Variants in PCSK2 observed in about 807,000 individuals in gnomAD.
PCSK2 encodes proprotein convertase subtilisin/kexin type 2.
In PCSK2, 14 loss-of-function variants were observed where a neutral mutation model predicts 69.7. That is an observed-to-expected ratio of 0.20 (90% CI 0.13 to 0.31). The LOEUF (loss-of-function observed/expected upper bound fraction) is 0.31. PCSK2 is among the 10% of genes least tolerant of loss of function. The pLI is 1.00. For missense variants in PCSK2, 544 were observed against 842.5 expected (o/e 0.65, Z 4.39); for synonymous variants, 307 against 320.7 (o/e 0.96, Z 0.46).
intron 2 of PCSK2, among the ~76,000 whole-genome samples, chr20:17,300,201 C>T (rs569296132): frequency 6.6e-6 from 1 of 152,234 alleles, no homozygotes; most frequent in Non-Finnish European, 1.5e-5. Flanking sequence ...GAGTTAGCCC[C>T]AGCAGTCTCC....
intron 2 of PCSK2, among the ~76,000 whole-genome samples, chr20:17,357,403 G>A (rs973141793): frequency 2.0e-5 from 3 of 152,104 alleles, no homozygotes; most frequent in Non-Finnish European, 4.4e-5. Context: ...TCTTGTCTTG[G>A]GGAAGTTTTC....
chr20:17,453,927 C>T lies in PCSK2; in HGVS notation c.1071C>T (p.Asn357=), dbSNP rs41276384. 48,940 of 1,614,192 alleles carry T rather than the reference C, an allele frequency of 0.03. 878 individuals carry two copies. Among genetic ancestry groups the T allele is most frequent in the Non-Finnish European group, 0.035 (41,049 of 1,180,030 alleles). ...CSSTLASTFS[N]GRKRNPEAGV... ...CCACCTTGGCTTCCACCTTCAGCAA[C>T]GGGAGGAAAAGGAACCCCGAGGCCG... is the stretch of plus-strand genomic sequence containing the variant. The change falls in exon 9 of 12, where the codon AAC becomes AAT. Residue 357 remains asparagine, a synonymous_variant. Coordinates refer to ENST00000262545, the MANE Select transcript of PCSK2 (RefSeq NM_002594.5). This position sits in a 1 kb window ranked among gnomAD's most constrained non-coding sequence, Gnocchi z 4.0.
intron 10 of PCSK2, among the ~76,000 whole-genome samples, chr20:17,460,630 A>C (rs964106772): frequency 3.9e-5 from 6 of 152,228 alleles, no homozygotes; most frequent in African/African-American, 1.4e-4. Context: ...ACTTCCTGGA[A>C]TATTTTAGCT....
intron 8 of PCSK2, among the ~76,000 whole-genome samples, chr20:17,445,250 G>A (rs1484775923): frequency 6.6e-6 from 1 of 152,188 alleles, no homozygotes; most frequent in East Asian, 1.9e-4. Context: ...ACGCTAGAAG[G>A]TCTTGAAAGT....
At chr20:17,277,781 C>A (rs1358089764) in intron 2 of PCSK2, among the ~76,000 whole-genome samples, 8 of 151,890 alleles carry the variant, frequency 5.3e-5, no homozygotes, top group Admixed American at 6.6e-5. Context: ...AGTGAACAGG[C>A]AACCTACAGA....
chr20:17,284,283 A>G (rs569561723), intron 2 of PCSK2, among the ~76,000 whole-genome samples: 51 of 152,342 alleles, frequency 3.3e-4, no homozygotes, highest in Non-Finnish European at 6.3e-4. Flanking sequence ...TTGGCCCCGT[A>G]TACATGAACT....
At chr20:17,322,728 C>T (rs545476943) in intron 2 of PCSK2, among the ~76,000 whole-genome samples, 1 of 152,324 alleles carries the variant, frequency 6.6e-6, no homozygotes, top group South Asian at 2.1e-4. Context: ...TGTGTCCTCA[C>T]ATGGTAGAAG....
rs1248074230 is a variant in PCSK2, at chr20:17,483,314, G to A, written c.*1244G>A. 1.3e-5 allele frequency: 2 copies of A among 152,150 alleles called. No homozygotes were observed. The highest frequency in any genetic ancestry group is 2.9e-5 in the Non-Finnish European group (2 of 68,020). 9.4% of individuals were successfully genotyped at this position (152,150 alleles called of 1,614,324 possible). The stretch of plus-strand genomic sequence containing the variant: ...GAAGGAGGTGAGAGAAGACCTCTGT[G>A]AGGAAAGCACACAGTCACCTTCTCG... On this transcript the variant is annotated 3_prime_UTR_variant, in exon 12 of 12. Transcript: ENST00000262545.
At chr20:17,437,532 G>C (rs1203284607) in intron 8 of PCSK2, among the ~76,000 whole-genome samples, 1 of 152,152 alleles carries the variant, frequency 6.6e-6, no homozygotes, top group Non-Finnish European at 1.5e-5. Flanking sequence ...CCAGGCTCAG[G>C]GACCAGAGGA....
intron 2 of PCSK2, among the ~76,000 whole-genome samples, chr20:17,281,181 C>T (rs1988295099): frequency 6.6e-6 from 1 of 152,198 alleles, no homozygotes; most frequent in African/African-American, 2.4e-5. Context: ...ACGTTGACTA[C>T]CCATCTATTA....
At chr20:17,303,479 AATAT>A (rs1178035941) in intron 2 of PCSK2, among the ~76,000 whole-genome samples, 7 of 44,658 alleles carry the variant, frequency 1.6e-4, no homozygotes, top group African/African-American at 5.9e-4. Context: ...TATTATATAT[AATAT>A]ATATTATATT....
At chr20:17,259,546 A>G (rs1340511492) in intron 1 of PCSK2, among the ~76,000 whole-genome samples, 2 of 152,208 alleles carry the variant, frequency 1.3e-5, no homozygotes, top group Admixed American at 6.5e-5. Context: ...ACCTTGAATC[A>G]TAGAACAAAT....
At chr20:17,374,104 G>C (rs1251272185) in intron 5 of PCSK2, among the ~76,000 whole-genome samples, 1 of 152,154 alleles carries the variant, frequency 6.6e-6, no homozygotes, top group African/African-American at 2.4e-5. Flanking sequence ...TAATAACTGG[G>C]TATTTTCTCT....
intron 8 of PCSK2, among the ~76,000 whole-genome samples, chr20:17,437,477 T>G (rs1022889703): frequency 6.6e-6 from 1 of 152,020 alleles, no homozygotes; most frequent in Non-Finnish European, 1.5e-5. Flanking sequence ...GGGGGCCCCT[T>G]CTCTGAGACG....
At chr20:17,307,453 G>T (rs143751292) in intron 2 of PCSK2, among the ~76,000 whole-genome samples, 3,092 of 152,298 alleles carry the variant, frequency 0.02, 101 homozygotes, top group African/African-American at 0.069. Context: ...GCCTGGTGTG[G>T]CCAAAGGGTG....
At chr20:17,441,739 C>T (rs1446493455) in intron 8 of PCSK2, among the ~76,000 whole-genome samples, 1 of 151,970 alleles carries the variant, frequency 6.6e-6, no homozygotes, top group Non-Finnish European at 1.5e-5. Flanking sequence ...AAGACTCGCC[C>T]CCATGATTCA....
intron 4 of PCSK2, among the ~76,000 whole-genome samples, chr20:17,366,896 AGACACTACTATTTATTG>A (rs1174134308): frequency 5.3e-5 from 8 of 152,146 alleles, no homozygotes; most frequent in Admixed American, 2.0e-4. Context: ...TTGACAGAGA[AGACACTACTATTTATTG>A]GAACATTTTT....
Position 17,376,148 on chromosome 20 carries a change from C to T in PCSK2, c.543+6871C>T, listed in dbSNP as rs112400139. ...AGAAGAGCTTCCCTGCTGCCACGGC[C>T]TGAAGCACCACCACCCACACTGGCC... is the stretch of plus-strand genomic sequence containing the variant. On this transcript the variant is annotated intron_variant, in intron 5 of 11. Coordinates refer to ENST00000262545, the MANE Select transcript of PCSK2 (RefSeq NM_002594.5). Among the ~76,000 whole-genome samples the T allele has an allele frequency of 4.4e-3, 672 of 152,288 alleles. 5 individuals carry two copies. Among genetic ancestry groups the T allele is most frequent in the African/African-American group, 0.015 (619 of 41,568 alleles).
upstream of PCSK2, among the ~76,000 whole-genome samples, chr20:17,226,797 T>TCGCTG (rs564278605): frequency 1.5e-3 from 198 of 136,462 alleles, 1 homozygote; most frequent in Middle Eastern, 4.8e-3. Flanking sequence ...GGGCGCGGGC[T>TCGCTG]CGCTGCGCTG....
Sources: gnomAD v4.1 joint callset for allele counts (sites outside exome capture counted in the v4.1 genomes callset) on GRCh38, gnomAD v4.1.1 for gene constraint, Gnocchi (gnomAD v3.1) non-coding constraint, MANE v1.5 for transcripts, NCBI Gene and HGNC (gene_info 2026-07-23, HGNC 2026-07-21) for gene names.